DGKB: variants seen among roughly 807,000 people sequenced by gnomAD.
DGKB encodes diacylglycerol kinase beta, also known as 90 kDa diacylglycerol kinase.
A neutral mutation model predicts 114.3 loss-of-function variants in DGKB; 67 were observed. The ratio of observed to expected loss-of-function variants is 0.59; its 90% CI spans 0.48 to 0.72. The LOEUF (loss-of-function observed/expected upper bound fraction) is 0.72. Ranked by LOEUF, DGKB falls within the 30% of genes least tolerant of loss-of-function variation. DGKB has a pLI of 0.00. For synonymous variants in DGKB, 398 were observed against 323.1 expected, an observed-to-expected ratio of 1.23 and a Z score of -2.49; for missense variants, 907 against 975.2, an observed-to-expected ratio of 0.93 and a Z score of 0.93.
At chr7:14,265,407 G>A (rs778563306) in intron 23 of DGKB, among the ~76,000 whole-genome samples, 25 of 127,834 alleles carry the variant, frequency 2.0e-4, no homozygotes, top group Admixed American at 6.7e-4. Flanking sequence ...CTACTCTCCC[G>A]TACTGTGCTA....
At position 14,782,433 on chromosome 7, in the gene DGKB, A is replaced by G. The variant is rs186926115; in HGVS notation, c.71-24702T>C. ...TTGGAAAAAAAACTTTCACCCTCTA[A>G]CTGGGTATATCTCATTTGTGATAAT... On this transcript the variant is annotated intron_variant, in intron 2 of 25. Coordinates refer to ENST00000402815, the MANE Select transcript of DGKB (RefSeq NM_001350709.2). Among the ~76,000 whole-genome samples, 664 of 152,200 alleles carry G rather than the reference A, an allele frequency of 4.4e-3. 7 individuals are homozygous for G. Among genetic ancestry groups the G allele is most frequent in the African/African-American group, 0.015 (622 of 41,522 alleles).
At chr7:14,955,863 G>A (rs1252697145) in intron 1 of DGKB, among the ~76,000 whole-genome samples, 3 of 151,974 alleles carry the variant, frequency 2.0e-5, no homozygotes, top group South Asian at 2.1e-4. Context: ...AACAGACAGC[G>A]TATTTGAAGG....
intron 16 of DGKB, among the ~76,000 whole-genome samples, chr7:14,609,491 T>G (rs2128786365): frequency 6.6e-6 from 1 of 152,036 alleles, no homozygotes; most frequent in South Asian, 2.1e-4. Flanking sequence ...AACACATTTT[T>G]TATTAAGTCC....
intron 23 of DGKB, among the ~76,000 whole-genome samples, chr7:14,218,110 G>A (rs1386913462): frequency 1.3e-5 from 2 of 152,040 alleles, no homozygotes; most frequent in Admixed American, 1.3e-4. Flanking sequence ...GAAACTTCGT[G>A]TTCATAACAC....
At chr7:14,439,618 C>T (rs912358135) in intron 21 of DGKB, among the ~76,000 whole-genome samples, 1 of 152,038 alleles carries the variant, frequency 6.6e-6, no homozygotes, top group South Asian at 2.1e-4. Flanking sequence ...AATTCCAGCA[C>T]TTTGGGAGGC....
rs1312030133 is a variant in DGKB, at chr7:14,568,374, T to C, written c.1770+5838A>G. 2.6e-5 allele frequency among the ~76,000 whole-genome samples: 4 copies of C among 152,186 alleles called. No homozygotes were observed. In the East Asian group the frequency reaches 7.7e-4, roughly 29 times the overall value. ...CTAGTTATTGATCAATTTCCCTTTC[T>C]ACCTAGGCAGACAAAATTTATTTCC... On this transcript the variant is annotated intron_variant, in intron 20 of 25. Coordinates refer to ENST00000402815, the MANE Select transcript of DGKB (RefSeq NM_001350709.2).
intron 23 of DGKB, among the ~76,000 whole-genome samples, chr7:14,328,898 C>G (rs1044686931): frequency 3.3e-5 from 5 of 151,846 alleles, no homozygotes; most frequent in Non-Finnish European, 7.4e-5. Context: ...CGAAAGCAGA[C>G]ATTAAAATAA....
At chr7:14,842,911 T>G (rs1848131247) in intron 1 of DGKB, among the ~76,000 whole-genome samples, 1 of 152,174 alleles carries the variant, frequency 6.6e-6, no homozygotes, top group Non-Finnish European at 1.5e-5. Context: ...GTGATATTCT[T>G]TTAATAAAGG....
At chr7:14,603,938 T>G (rs1804015587) in intron 17 of DGKB, among the ~76,000 whole-genome samples, 1 of 152,164 alleles carries the variant, frequency 6.6e-6, no homozygotes, top group South Asian at 2.1e-4. Flanking sequence ...AAACTTGATA[T>G]GAACTTTTCA....
intron 1 of DGKB, among the ~76,000 whole-genome samples, chr7:14,878,680 C>T (rs995638714): frequency 1.7e-4 from 25 of 144,400 alleles, no homozygotes; most frequent in East Asian, 4.2e-4. Flanking sequence ...ACCCGGGAGG[C>T]GGAGCTTGCA....
chr7:14,234,082 C>T (rs998678718), intron 23 of DGKB, among the ~76,000 whole-genome samples: 5 of 152,076 alleles, frequency 3.3e-5, no homozygotes, highest in Admixed American at 1.3e-4. Context: ...AAACCTCTGG[C>T]TATGAGTTCT....
chr7:14,532,981 G>C (rs1791845643), intron 20 of DGKB, among the ~76,000 whole-genome samples: 1 of 151,614 alleles, frequency 6.6e-6, no homozygotes, highest in Non-Finnish European at 1.5e-5. Context: ...AAAGAATAAG[G>C]GTTACATGAC....
At position 14,178,167 on chromosome 7, in the gene DGKB, T is replaced by C; in HGVS notation, c.2123-16A>G. The C allele has an allele frequency of 1.2e-6, 2 of 1,613,098 alleles. No homozygotes were observed. Among genetic ancestry groups the C allele is most frequent in the Non-Finnish European group, 1.7e-6 (2 of 1,179,710 alleles). On this transcript the variant is annotated splice_polypyrimidine_tract_variant and intron_variant, in intron 23 of 25. Transcript: ENST00000402815. Reference sequence around the variant, plus strand: ...TCACTGAGATCTGAAAGAAAGTAGATGCCTTTTAAGTTGCAATGTGTATAC... The same window carrying C: ...TCACTGAGATCTGAAAGAAAGTAGACGCCTTTTAAGTTGCAATGTGTATAC...
At chr7:14,806,390 T>C (rs888673387) in intron 2 of DGKB, among the ~76,000 whole-genome samples, 4 of 152,112 alleles carry the variant, frequency 2.6e-5, no homozygotes, top group Admixed American at 2.0e-4. Flanking sequence ...GGGTCTTGTA[T>C]ACGTATAAAT....
chr7:14,573,594 T>C (rs779246943), intron 20 of DGKB, among the ~76,000 whole-genome samples: 32 of 151,988 alleles, frequency 2.1e-4, no homozygotes, highest in Non-Finnish European at 3.1e-4. Context: ...TTAGATTTCA[T>C]AATCATTGGC....
At chr7:14,781,077 G>A (rs1021154982) in intron 2 of DGKB, among the ~76,000 whole-genome samples, 1 of 152,126 alleles carries the variant, frequency 6.6e-6, no homozygotes, top group African/African-American at 2.4e-5. Flanking sequence ...ATGGCAATAA[G>A]TACCTATGGT....
At chr7:14,641,600 G>A (rs1270762590) in intron 13 of DGKB, among the ~76,000 whole-genome samples, 2 of 151,220 alleles carry the variant, frequency 1.3e-5, no homozygotes, top group African/African-American at 4.9e-5. Context: ...TTATTTTCAC[G>A]TGGTTATACA....
At chr7:14,318,674 T>G (rs1807116742) in intron 23 of DGKB, among the ~76,000 whole-genome samples, 1 of 151,870 alleles carries the variant, frequency 6.6e-6, no homozygotes, top group Non-Finnish European at 1.5e-5. Flanking sequence ...TAGGAACACT[T>G]TTACACTGTT....
At chr7:14,721,930 T>C (rs1723452189) in intron 5 of DGKB, among the ~76,000 whole-genome samples, 1 of 152,202 alleles carries the variant, frequency 6.6e-6, no homozygotes, top group African/African-American at 2.4e-5. Flanking sequence ...CACTGCTTTA[T>C]ATCTTTCCTT....
Sources: gnomAD v4.1 joint callset for allele counts (sites outside exome capture counted in the v4.1 genomes callset) on GRCh38, gnomAD v4.1.1 for gene constraint, MANE v1.5 for transcripts, NCBI Gene and HGNC (gene_info 2026-07-23, HGNC 2026-07-21) for gene names.